The following STARD10 variants were observed in gnomAD, a reference collection of about 807,000 sequenced individuals.
STARD10 encodes the protein START domain-containing protein 10.
In STARD10, 24 loss-of-function variants were observed where a neutral mutation model predicts 36.0. That is an observed-to-expected ratio of 0.67 (90% confidence interval 0.48 to 0.94). STARD10 has a LOEUF of 0.94. Ranked by LOEUF, STARD10 falls within the 40% of genes least tolerant of loss-of-function variation. STARD10 has a pLI of 0.00. For missense variants in STARD10, 335 were observed against 396.6 expected, an observed-to-expected ratio of 0.84 and a Z score of 1.32; for synonymous variants, 156 against 161.9, an observed-to-expected ratio of 0.96 and a Z score of 0.28.
intron 2 of STARD10, among the ~76,000 whole-genome samples, chr11:72,775,659 C>G (rs2135621596): frequency 6.6e-6 from 1 of 152,286 alleles, no homozygotes; most frequent in South Asian, 2.1e-4. Context: ...ATTTCCAGAG[C>G]TCCTGTGACA....
chr11:72,755,274 C>T, intron 6 of STARD10, 132 bp from the exon 7 acceptor site: 2 of 1,019,902 alleles, frequency 2.0e-6, no homozygotes, highest in Non-Finnish European at 2.8e-6. Flanking sequence ...GCCCTACTTG[C>T]CCTCCCTGGG....
intron 2 of STARD10, among the ~76,000 whole-genome samples, chr11:72,777,463 C>T (rs1858941515): frequency 6.6e-6 from 1 of 152,254 alleles, no homozygotes; most frequent in Non-Finnish European, 1.5e-5. Flanking sequence ...AGCTCTTGGT[C>T]TCCCGTTTCT....
chr11:72,755,207 T>C, intron 6 of STARD10, 65 bp from the exon 7 acceptor site: 1 of 1,505,406 alleles, frequency 6.6e-7, no homozygotes, highest in Non-Finnish European at 8.9e-7. Flanking sequence ...CACACCCCCC[T>C]CCAGCGGCTC....
intron 2 of STARD10, among the ~76,000 whole-genome samples, chr11:72,774,636 C>G (rs1858907286): frequency 6.6e-6 from 1 of 152,264 alleles, no homozygotes; most frequent in African/African-American, 2.4e-5. Flanking sequence ...GCACCACCAT[C>G]TGCCCAGTCA....
chr11:72,780,471 G>A, intron 2 of STARD10: 1 of 429,568 alleles, frequency 2.3e-6, no homozygotes, highest in Non-Finnish European at 4.7e-6. Flanking sequence ...AGCCAGGGAG[G>A]GAGGGAAGGG....
chr11:72,777,467 C>T (rs865978462), intron 2 of STARD10, among the ~76,000 whole-genome samples: 17 of 152,252 alleles, frequency 1.1e-4, no homozygotes, highest in Admixed American at 5.9e-4. Flanking sequence ...CTTGGTCTCC[C>T]GTTTCTCACA....
At chr11:72,787,952 G>A (rs1859094905) in intron 1 of STARD10, among the ~76,000 whole-genome samples, 1 of 152,196 alleles carries the variant, frequency 6.6e-6, no homozygotes, top group South Asian at 2.1e-4. Context: ...GGAACTGGTG[G>A]GGACTCTGGG....
At position 72,755,156 on chromosome 11, in the gene STARD10, G is replaced by T; in HGVS notation, c.631-14C>A. On this transcript the variant is annotated splice_polypyrimidine_tract_variant and intron_variant, in intron 6 of 6. Coordinates refer to ENST00000334805, the MANE Select transcript of STARD10 (RefSeq NM_006645.3). ...CTTCTTCATGGCCTGTGGGCCCGCC[G>T]CCCCGCCGGGTCAGGGGGTGGCTAG... The T allele has an allele frequency of 1.9e-6, 3 of 1,604,482 alleles. No homozygotes were observed. The highest frequency in any genetic ancestry group is 1.7e-6 in the Non-Finnish European group (2 of 1,174,636).
chr11:72,768,012 A>G (rs1858814278), intron 2 of STARD10, among the ~76,000 whole-genome samples: 1 of 152,162 alleles, frequency 6.6e-6, no homozygotes, highest in Non-Finnish European at 1.5e-5. Context: ...AAAGGACAGG[A>G]CACACAAGGA....
intron 6 of STARD10, 127 bp from the exon 7 acceptor site, chr11:72,755,269 A>ACTTGCC: frequency 9.9e-7 from 1 of 1,012,828 alleles, no homozygotes; most frequent in Non-Finnish European, 1.4e-6. Flanking sequence ...CCTCAGCCCT[A>ACTTGCC]CTTGCCCTCC....
At chr11:72,780,519 G>A in intron 2 of STARD10, 1 of 374,408 alleles carries the variant, frequency 2.7e-6, no homozygotes, top group South Asian at 1.9e-5. Flanking sequence ...TAAGGAATCG[G>A]GTCCTGGGCA....
At chr11:72,775,066 A>G (rs2135621287) in intron 2 of STARD10, among the ~76,000 whole-genome samples, 1 of 151,974 alleles carries the variant, frequency 6.6e-6, no homozygotes, top group South Asian at 2.1e-4. Flanking sequence ...CCTCCACTCC[A>G]CTCTGGCTCA....
chr11:72,761,455 TAAAA>T (rs1203997437), intron 2 of STARD10, among the ~76,000 whole-genome samples: 1 of 152,008 alleles, frequency 6.6e-6, no homozygotes, highest in Non-Finnish European at 1.5e-5. Context: ...AACTGCTGCC[TAAAA>T]AAAGGTTACA....
At chr11:72,767,248 CAAAGG>C (rs1858804527) in intron 2 of STARD10, among the ~76,000 whole-genome samples, 1 of 152,174 alleles carries the variant, frequency 6.6e-6, no homozygotes, top group African/African-American at 2.4e-5. Flanking sequence ...CAGCACCCCG[CAAAGG>C]AGACAGGGGC....
Position 72,754,936 on chromosome 11 carries a change from C to T in STARD10, c.837G>A (p.Ala279=), listed in dbSNP as rs1437643760. The change falls in exon 7 of 7, where the codon GCG becomes GCA. Residue 279 remains alanine (A), a synonymous_variant. Coordinates refer to ENST00000334805, the MANE Select transcript of STARD10 (RefSeq NM_006645.3). ...AESREERMGG[A]GGEGSDDDTS... is the part of the protein sequence containing the mutation. ...TGTCGTCGTCGCTGCCCTCGCCGCC[C>T]GCGCCGCCCATCCGCTCCTCTCTGC... 7 of 1,602,640 alleles carry T rather than the reference C, an allele frequency of 4.4e-6. No individual in the cohort carries two copies. The highest frequency in any genetic ancestry group is 3.3e-4 in the Middle Eastern group (2 of 6,044).
intron 2 of STARD10, among the ~76,000 whole-genome samples, chr11:72,760,416 C>T (rs1024820228): frequency 4.6e-5 from 7 of 150,748 alleles, no homozygotes; most frequent in Non-Finnish European, 1.0e-4. Flanking sequence ...TTAGTAGAGA[C>T]GGGGTTTCAC....
In STARD10 at chr11:72,781,349, GT is replaced by G. The variant is rs1296113136; in HGVS notation, c.-113-56del. The G allele has an allele frequency of 9.7e-6, 6 of 620,296 alleles. No homozygotes were observed. Among genetic ancestry groups the G allele is most frequent in the Non-Finnish European group, 1.7e-5 (6 of 353,460 alleles). The allele number at this position is 620,296 out of a possible 1,614,324, so 38.4% of individuals were successfully genotyped here. On this transcript the variant is annotated intron_variant, in intron 1 of 6. Transcript: ENST00000334805. This position sits in a 1 kb window ranked among gnomAD's most constrained non-coding sequence, Gnocchi z 4.7. ...GTGCGCTGGGGGCGCGGGTGGGGCT[GT>G]TCGGGGTCCTGGCGGGTGGGGAGCT...
intron 3 of STARD10, 56 bp from the exon 4 acceptor site, chr11:72,758,689 A>C (rs1388004191): frequency 1.5e-6 from 2 of 1,342,852 alleles, no homozygotes; most frequent in East Asian, 4.6e-5. Context: ...CCTACAAGGG[A>C]GGGTGTGGCA....
Position 72,757,704 on chromosome 11 carries a change from C to T in STARD10, c.577+63G>A, listed in dbSNP as rs537673395. On this transcript the variant is annotated intron_variant, in intron 5 of 6. Transcript: ENST00000334805. ...ATGCCCTTCTGGATCCCTAGTAGAT[C>T]AGGCCCCACCCCTGTGGTATAGGGA... 1.2e-4 allele frequency: 170 copies of T among 1,476,624 alleles called. 1 individual carries two copies. The South Asian group carries it at 1.9e-3, about 17-fold the overall frequency. The allele number at this position is 1,476,624 out of a possible 1,614,324, so 91.5% of individuals were successfully genotyped here. A position where few individuals can be genotyped will look rare whatever the true frequency, so the allele number is the denominator to read the frequency against.
Sources: allele counts gnomAD v4.1 joint callset (sites outside exome capture counted in the v4.1 genomes callset), GRCh38; gene constraint gnomAD v4.1.1; non-coding constraint Gnocchi (gnomAD v3.1); transcripts MANE v1.5; gene names NCBI Gene and HGNC (gene_info 2026-07-23, HGNC 2026-07-21).